DMKN: variants seen among roughly 807,000 people sequenced by gnomAD.
The protein encoded by DMKN is dermokine.
DMKN carries 58 observed loss-of-function variants against 67.6 expected under a neutral mutation model. The ratio of observed to expected loss-of-function variants is 0.86; its 90% CI spans 0.69 to 1.07. The LOEUF is 1.07. Among genes scored for constraint, DMKN ranks in the 50% least tolerant of loss-of-function variants. The probability of loss-of-function intolerance (pLI) is 0.00; values close to 1 mark genes in which losing one functional copy is unlikely to be tolerated. For synonymous variants in DMKN, 240 were observed against 232.3 expected (o/e 1.03, Z -0.30); for missense variants, 596 against 601.5 (o/e 0.99, Z 0.10).
intron 7 of DMKN, 48 bp downstream of exon 7, chr19:35,509,863 G>A (rs376450287): frequency 1.9e-6 from 3 of 1,609,074 alleles, no homozygotes; most frequent in East Asian, 2.2e-5. Context: ...GCACAGTCCT[G>A]GGCAGGAACT....
chr19:35,512,897 C>T, intron 1 of DMKN, 107 bp from the exon 2 acceptor site: 1 of 1,508,722 alleles, frequency 6.6e-7, no homozygotes, highest in Non-Finnish European at 8.9e-7. Flanking sequence ...AGAGGGACTC[C>T]AGGGTGGCAT....
At chr19:35,511,139 C>T (rs938904261) in intron 5 of DMKN, among the ~76,000 whole-genome samples, 1 of 152,210 alleles carries the variant, frequency 6.6e-6, no homozygotes, top group African/African-American at 2.4e-5. Flanking sequence ...AGAGCTTAGA[C>T]AGGCGGGATA....
chr19:35,498,467 C>G (rs1282085944), intron 15 of DMKN: 4 of 568,204 alleles, frequency 7.0e-6, no homozygotes, highest in Non-Finnish European at 1.2e-5. Flanking sequence ...CCCCAGCCTC[C>G]CAAAGCACAG....
In DMKN at chr19:35,513,195, G is replaced by A. The variant is rs757800804; in HGVS notation, c.281C>T (p.Ala94Val). Residue 94 changes from alanine to valine, a missense_variant, in exon 1 of 16, where the codon GCT (alanine) becomes GTT (valine). Transcript: ENST00000339686. ...RQVPGFGVAD[A>V]LGNRVGEAAH... Reference sequence around the variant, plus strand: ...TGCTTCCCCGACCCTGTTGCCCAAAGCATCTGCTACGCCAAAGCCTGGAAC... The same window carrying A: ...TGCTTCCCCGACCCTGTTGCCCAAAACATCTGCTACGCCAAAGCCTGGAAC... The A allele has an allele frequency of 1.9e-6, 3 of 1,614,216 alleles. No homozygotes were observed. The highest frequency in any genetic ancestry group is 3.3e-5 in the Admixed American group (2 of 60,026).
Position 35,504,255 on chromosome 19 carries a change from G to GTCTTGC in DMKN, c.1135-1375_1135-1370dup, listed in dbSNP as rs143280376. 6.9e-3 allele frequency among the ~76,000 whole-genome samples: 1,054 copies of GTCTTGC among 152,256 alleles called. 17 individuals are homozygous for GTCTTGC. The highest frequency in any genetic ancestry group is 0.022 in the African/African-American group (918 of 41,542). On this transcript the variant is annotated intron_variant, in intron 9 of 15. Transcript: ENST00000339686. ...TAAGTTCCCTGTGACCCAGGAAAGA[G>GTCTTGC]TCTTGCTCCTACCAGAAACCGTTCT... is the stretch of plus-strand genomic sequence containing the variant.
intron 13 of DMKN, 81 bp from the exon 14 acceptor site, chr19:35,498,978 C>A (rs1006434408): frequency 6.2e-7 from 1 of 1,604,894 alleles, no homozygotes; most frequent in Non-Finnish European, 8.5e-7. Flanking sequence ...ATGAAGGGCC[C>A]AGCAGCAAGG....
chr19:35,510,087 A>T (rs2146180931), intron 6 of DMKN, 97 bp downstream of exon 6: 1 of 1,567,658 alleles, frequency 6.4e-7, no homozygotes, highest in African/African-American at 1.4e-5. Context: ...ATCCAGCCCC[A>T]TCTCCGCGGA....
chr19:35,505,642 T>C (rs1008641073), intron 9 of DMKN, 76 bp downstream of exon 9: 9 of 1,595,244 alleles, frequency 5.6e-6, no homozygotes, highest in Non-Finnish European at 5.2e-6. Context: ...CCAGCATCAC[T>C]GTTTCCCCAG....
intron 5 of DMKN, 165 bp from the exon 6 acceptor site, chr19:35,510,417 A>G: frequency 6.4e-7 from 1 of 1,552,338 alleles, no homozygotes; most frequent in Admixed American, 2.0e-5. Context: ...GCAGGAAGTT[A>G]TTCCGAGCAT....
At chr19:35,498,368 T>C (rs1016973592) in intron 15 of DMKN, 4 of 267,580 alleles carry the variant, frequency 1.5e-5, no homozygotes, top group African/African-American at 2.3e-5. Flanking sequence ...TGTTTTGTTT[T>C]GGTTTGTTTT....
intron 3 of DMKN, among the ~76,000 whole-genome samples, chr19:35,512,189 G>A (rs1226082554): frequency 3.3e-5 from 5 of 151,884 alleles, no homozygotes; most frequent in Admixed American, 6.6e-5. Context: ...GTGAAGACAG[G>A]GTTTCACCAT....
In DMKN at chr19:35,503,562, G is replaced by T. The variant is rs1045567404; in HGVS notation, c.1135-676C>A. On this transcript the variant is annotated intron_variant, in intron 9 of 15. Coordinates refer to ENST00000339686, the MANE Select transcript of DMKN (RefSeq NM_033317.5). Reference sequence around the variant, plus strand: ...ACGATATCAGCTCACCGCAACCTCCGCTTCCCAGGTTCAAGCGATTCTCCT... The same window carrying T: ...ACGATATCAGCTCACCGCAACCTCCTCTTCCCAGGTTCAAGCGATTCTCCT... The T allele has an allele frequency of 1.2e-5, 17 of 1,420,558 alleles. 1 individual carries two copies. In the Middle Eastern group the frequency reaches 1.0e-3, roughly 85 times the overall value. The allele number at this position is 1,420,558 out of a possible 1,614,324, so 88.0% of individuals were successfully genotyped here. A position where few individuals can be genotyped will look rare whatever the true frequency, so the allele number is the denominator to read the frequency against.
At chr19:35,506,650 A>G in intron 7 of DMKN, 1 of 443,106 alleles carries the variant, frequency 2.3e-6, no homozygotes, top group Non-Finnish European at 4.6e-6. Flanking sequence ...AGGCTCGGAG[A>G]GGTTAGCTGA....
rs113017239 is a variant in DMKN, at chr19:35,503,140, C to A, written c.1135-254G>T. 2.6e-3 allele frequency among the ~76,000 whole-genome samples: 392 copies of A among 152,288 alleles called. 1 individual carries two copies. Among genetic ancestry groups the A allele is most frequent in the African/African-American group, 9.1e-3 (377 of 41,556 alleles). ...CCAAGTTCCCCAGCCTCCAGCAGAA[C>A]CTAATTCTAGCAAAACCTCAAGACT... On this transcript the variant is annotated intron_variant, in intron 9 of 15. Coordinates refer to ENST00000339686, the MANE Select transcript of DMKN (RefSeq NM_033317.5).
chr19:35,502,718 G>T (rs1017553612), intron 10 of DMKN, 112 bp downstream of exon 10: 3 of 1,070,348 alleles, frequency 2.8e-6, no homozygotes, highest in South Asian at 2.7e-5. Flanking sequence ...AAAAAAAAGG[G>T]GGGGAGTTTT....
chr19:35,500,016 T>C lies in DMKN; in HGVS notation c.1301A>G (p.Asn434Ser), dbSNP rs1278585126. ...ATAGGCAGTGGGATACGCATGCTGGTTGTAATTGTAGTTCTGTGGAAGAAG... is the reference window on the plus strand; with the variant it reads ...ATAGGCAGTGGGATACGCATGCTGGCTGTAATTGTAGTTCTGTGGAAGAAG... ...AGRDDQNYNY[N>S]QHAYPTAYGG... Residue 434 changes from asparagine to serine, a missense_variant, in exon 13 of 16, where the codon AAC (asparagine) becomes AGC (serine). Coordinates refer to ENST00000339686, the MANE Select transcript of DMKN (RefSeq NM_033317.5). 6.2e-7 allele frequency: 1 copy of C among 1,614,124 alleles called. No individual in the cohort carries two copies. Among genetic ancestry groups the C allele is most frequent in the South Asian group, 1.1e-5 (1 of 91,082 alleles).
intron 7 of DMKN, chr19:35,508,159 C>T (rs2069962422): frequency 6.4e-7 from 1 of 1,551,234 alleles, no homozygotes; most frequent in Non-Finnish European, 8.7e-7. Flanking sequence ...CTCTACCCCA[C>T]TTACTACCGG....
At position 35,500,576 on chromosome 19, in the gene DMKN, G is replaced by T. The variant is rs149828471; in HGVS notation, c.1244C>A (p.Ala415Glu). The T allele has an allele frequency of 6.2e-7, 1 of 1,607,432 alleles. No individual in the cohort carries two copies. The highest frequency in any genetic ancestry group is 1.1e-5 in the South Asian group (1 of 90,616). ...ACGTTTCTGCAGTGATGACGCGTCC[G>T]CACCCTGAAAGGAAGAAGGGGCCAC... ...FLNWKAIIEGADASSLQKRAG... is the reference protein window; with the variant it reads ...FLNWKAIIEGEDASSLQKRAG... The change falls in exon 12 of 16, where the codon GCG becomes GAG. Residue 415 changes from alanine to glutamate, a missense_variant. Coordinates refer to ENST00000339686, the MANE Select transcript of DMKN (RefSeq NM_033317.5).
chr19:35,508,865 T>C (rs1225303633), intron 7 of DMKN, among the ~76,000 whole-genome samples: 1 of 151,848 alleles, frequency 6.6e-6, no homozygotes, highest in African/African-American at 2.4e-5. Flanking sequence ...GCAAAAACCA[T>C]AGAGGAAAAG....
Sources: gnomAD v4.1 joint callset for allele counts (sites outside exome capture counted in the v4.1 genomes callset) on GRCh38, gnomAD v4.1.1 for gene constraint, MANE v1.5 for transcripts, NCBI Gene and HGNC (gene_info 2026-07-23, HGNC 2026-07-21) for gene names.